The following CREB5 variants were observed in gnomAD, a reference collection of about 807,000 sequenced individuals.
CREB5 encodes the protein cAMP responsive element binding protein 5, also known as cyclic AMP-responsive element-binding protein 5.
A neutral mutation model predicts 57.1 loss-of-function variants in CREB5; 19 were observed. The ratio of observed to expected loss-of-function variants is 0.33; its 90% confidence interval spans 0.23 to 0.49. The LOEUF is 0.49. CREB5 is among the 20% of genes least tolerant of loss of function. The pLI is 0.99. For synonymous variants in CREB5, 238 were observed against 238.3 expected (o/e 1.00, Z 0.01); for missense variants, 579 against 671.6 (o/e 0.86, Z 1.52).
At chr7:28,326,599 G>A (rs2127985538) in intron 1 of CREB5, among the ~76,000 whole-genome samples, 1 of 152,342 alleles carries the variant, frequency 6.6e-6, no homozygotes, top group East Asian at 1.9e-4. Context: ...AATGCTGAAT[G>A]CTGCATAGAC....
intron 7 of CREB5, among the ~76,000 whole-genome samples, chr7:28,737,998 G>T (rs1214899125): frequency 1.3e-5 from 2 of 151,966 alleles, no homozygotes; most frequent in Non-Finnish European, 2.9e-5. Flanking sequence ...ATTGTTTTAT[G>T]GTTTGTTAGT....
intron 5 of CREB5, among the ~76,000 whole-genome samples, chr7:28,693,590 C>G (rs183612474): frequency 2.2e-4 from 34 of 152,084 alleles, no homozygotes; most frequent in South Asian, 1.7e-3. Flanking sequence ...CCTAATTACT[C>G]GTAATCAATA....
intron 5 of CREB5, among the ~76,000 whole-genome samples, chr7:28,573,512 A>C (rs909316139): frequency 3.3e-5 from 5 of 152,210 alleles, no homozygotes; most frequent in African/African-American, 1.2e-4. Flanking sequence ...TGCTGCGGCC[A>C]GCGGGTGTGT....
intron 5 of CREB5, among the ~76,000 whole-genome samples, chr7:28,610,879 G>A (rs906367525): frequency 6.6e-5 from 10 of 151,516 alleles, no homozygotes; most frequent in Admixed American, 1.3e-4. Context: ...TTTGGTTTGC[G>A]TGTGTGTGCG....
At chr7:28,643,759 G>A (rs989840091) in intron 5 of CREB5, among the ~76,000 whole-genome samples, 13 of 77,648 alleles carry the variant, frequency 1.7e-4, no homozygotes, top group Admixed American at 6.0e-4. Context: ...GGTGGGGGGG[G>A]GCGGAAGAAA....
intron 5 of CREB5, among the ~76,000 whole-genome samples, chr7:28,583,511 A>G (rs1056214614): frequency 6.6e-6 from 1 of 152,188 alleles, no homozygotes; most frequent in Non-Finnish European, 1.5e-5. Flanking sequence ...AGGAAAGGGT[A>G]GAACAACAAT....
intron 1 of CREB5, among the ~76,000 whole-genome samples, chr7:28,440,686 C>G (rs1789150570): frequency 6.6e-6 from 1 of 152,196 alleles, no homozygotes; most frequent in Non-Finnish European, 1.5e-5. Context: ...CACACAGAGC[C>G]ATCTGATCAA....
At chr7:28,716,068 A>G (rs567382127) in intron 5 of CREB5, among the ~76,000 whole-genome samples, 5 of 152,306 alleles carry the variant, frequency 3.3e-5, no homozygotes, top group Admixed American at 3.3e-4. Context: ...ATAAAAACTC[A>G]TTTTAAATGT....
chr7:28,642,392 A>C (rs951572148), intron 5 of CREB5, among the ~76,000 whole-genome samples: 1 of 152,184 alleles, frequency 6.6e-6, no homozygotes, highest in African/African-American at 2.4e-5. Flanking sequence ...CAGTCCCAAG[A>C]GACATAATTA....
upstream of CREB5, among the ~76,000 whole-genome samples, chr7:28,408,975 A>G (rs73090540): frequency 0.21 from 31,464 of 146,362 alleles, 3,489 homozygotes; most frequent in African/African-American, 0.23. Flanking sequence ...CCCCATCCCT[A>G]CACCTTTCAA....
At chr7:28,666,538 T>A (rs761687945) in intron 5 of CREB5, among the ~76,000 whole-genome samples, 2 of 143,150 alleles carry the variant, frequency 1.4e-5, no homozygotes, top group Non-Finnish European at 3.1e-5. Flanking sequence ...TGTTTACTTT[T>A]AAAATATATA....
chr7:28,529,879 G>C lies in CREB5; in HGVS notation c.291+22142G>C, dbSNP rs1793646846. Among the ~76,000 whole-genome samples, 6 of 152,282 alleles carry C rather than the reference G, an allele frequency of 3.9e-5. No individual in the cohort carries two copies. The South Asian group carries it at 1.2e-3, about 32-fold the overall frequency. On this transcript the variant is annotated intron_variant, in intron 4 of 10. Transcript: ENST00000357727. ...ATCTGCCAGGAAAGTTTCTTCTACG[G>C]TGAGGCTATTTGGGACACCTGATAA...
chr7:28,719,987 G>C (rs904152453), intron 6 of CREB5, among the ~76,000 whole-genome samples: 2 of 152,210 alleles, frequency 1.3e-5, no homozygotes, highest in Non-Finnish European at 2.9e-5. Context: ...TTGAACCCGG[G>C]AGGCGGAGGT....
intron 5 of CREB5, among the ~76,000 whole-genome samples, chr7:28,611,634 CCACTG>C (rs1797390156): frequency 6.6e-6 from 1 of 150,538 alleles, no homozygotes; most frequent in Non-Finnish European, 1.5e-5. Flanking sequence ...TGAGATTGCG[CCACTG>C]CACTCTAGCC....
intron 4 of CREB5, among the ~76,000 whole-genome samples, chr7:28,550,510 T>G (rs1794590928): frequency 6.6e-6 from 1 of 152,216 alleles, no homozygotes; most frequent in East Asian, 1.9e-4. Flanking sequence ...AAAGTGACTC[T>G]GTAAGATGTC....
chr7:28,506,595 T>C (rs1361827978), intron 3 of CREB5, among the ~76,000 whole-genome samples: 1 of 152,234 alleles, frequency 6.6e-6, no homozygotes, highest in Non-Finnish European at 1.5e-5. Flanking sequence ...GGCCTCTGTT[T>C]TTCTGATCTG....
intron 5 of CREB5, among the ~76,000 whole-genome samples, chr7:28,712,558 G>C (rs982327559): frequency 1.6e-5 from 1 of 63,916 alleles, no homozygotes; most frequent in Non-Finnish European, 3.3e-5. Context: ...TTCTGAGATG[G>C]AATCTCACTC....
At chr7:28,737,193 G>T (rs1445359879) in intron 7 of CREB5, among the ~76,000 whole-genome samples, 1 of 151,940 alleles carries the variant, frequency 6.6e-6, no homozygotes, top group Non-Finnish European at 1.5e-5. Flanking sequence ...CATATTTTAA[G>T]AACTAGGAAA....
intron 7 of CREB5, among the ~76,000 whole-genome samples, chr7:28,749,899 G>A (rs1395502361): frequency 2.0e-5 from 3 of 151,474 alleles, no homozygotes; most frequent in Admixed American, 1.3e-4. Flanking sequence ...GCCAAGAGCT[G>A]AAATTTGACA....
Sources: allele counts gnomAD v4.1 joint callset (sites outside exome capture counted in the v4.1 genomes callset), GRCh38; gene constraint gnomAD v4.1.1; transcripts MANE v1.5; gene names NCBI Gene and HGNC (gene_info 2026-07-23, HGNC 2026-07-21).